RPS23: variants seen among roughly 807,000 people sequenced by gnomAD.
The protein encoded by RPS23 is ribosomal protein S23.
For synonymous variants in RPS23, 66 were observed against 60.4 expected (o/e 1.09, Z -0.43); for missense variants, 73 against 174.5 (o/e 0.42, Z 3.28).
rs760997828 is a variant in RPS23 at position 82,275,201 on chromosome 5, ATACT to A, written c.*904_*907del. The A allele has an allele frequency of 5.7e-6, 4 of 702,594 alleles. No homozygotes were observed. Among genetic ancestry groups the A allele is most frequent in the African/African-American group, 1.7e-5 (1 of 57,400 alleles). The allele number at this position is 702,594 out of a possible 1,614,324, so 43.5% of individuals were successfully genotyped here. ...CTTTGATCAAAGGGCTAATTAACCCATACTTACTATTTGTTAACAGGAGTTTCTT... is the reference window on the plus strand; with the variant it reads ...CTTTGATCAAAGGGCTAATTAACCCATACTATTTGTTAACAGGAGTTTCTT... On this transcript the variant is annotated 3_prime_UTR_variant, in exon 4 of 4. Coordinates refer to ENST00000296674, the MANE Select transcript of RPS23 (RefSeq NM_001025.5).
Position 82,275,642 on chromosome 5 carries a change from T to G in RPS23, c.*467A>C, listed in dbSNP as rs914345529. On this transcript the variant is annotated 3_prime_UTR_variant, in exon 4 of 4. Coordinates refer to ENST00000296674, the MANE Select transcript of RPS23 (RefSeq NM_001025.5). ...TTTACTATTTATCATCTTGGGCCCC[T>G]GTAAGATGGATACAAGAATGTGCAT... is the stretch of plus-strand genomic sequence containing the variant. 8 of 308,064 alleles carry G rather than the reference T, an allele frequency of 2.6e-5. No homozygotes were observed. The highest frequency in any genetic ancestry group is 4.7e-5 in the Non-Finnish European group (8 of 168,434). 19.1% of individuals were successfully genotyped at this position (308,064 alleles called of 1,614,324 possible).
At chr5:82,277,178 C>CAAAA (rs71000896) in intron 2 of RPS23, among the ~76,000 whole-genome samples, 3 of 82,438 alleles carry the variant, frequency 3.6e-5, no homozygotes, top group African/African-American at 1.0e-4. Flanking sequence ...TAGACTGTCT[C>CAAAA]AAAAAAAAAA....
chr5:82,275,998 GGGT>G lies in RPS23; in HGVS notation c.*108_*110del. The G allele has an allele frequency of 1.1e-5, 11 of 996,344 alleles. No individual in the cohort carries two copies. The highest frequency in any genetic ancestry group is 2.4e-5 in the East Asian group (1 of 41,472). 61.7% of individuals were successfully genotyped at this position (996,344 alleles called of 1,614,324 possible). A position where few individuals can be genotyped will look rare whatever the true frequency, so the allele number is the denominator to read the frequency against. On this transcript the variant is annotated 3_prime_UTR_variant, in exon 4 of 4. Transcript: ENST00000296674. ...GGTTTAGGATAAAAAAAATAAGGGGGGGTGGTGGTGGTAATGAACATGATCTTC... is the reference window on the plus strand; with the variant it reads ...GGTTTAGGATAAAAAAAATAAGGGGGGGTGGTGGTAATGAACATGATCTTC...
rs765962710 is a variant in RPS23, at chr5:82,277,779, C to T, written c.78G>A (p.Gln26=). The change falls in exon 2 of 4, where the codon CAG becomes CAA. Residue 26 remains glutamine, a synonymous_variant. Coordinates refer to ENST00000296674, the MANE Select transcript of RPS23 (RefSeq NM_001025.5). ...CTGTGCCCAAATGAGCTTTCTTATA[C>T]TGTTTATCATGCCACTTCTGGTCTC... ...HRRDQKWHDK[Q]YKKAHLGTAL... is the part of the protein sequence containing the mutation. 11 of 1,613,948 alleles carry T rather than the reference C, an allele frequency of 6.8e-6. 1 individual carries two copies. In the South Asian group the frequency reaches 9.9e-5, roughly 14 times the overall value.
At chr5:82,276,679 T>G in intron 2 of RPS23, 161 bp from the exon 3 acceptor site, 1 of 815,030 alleles carries the variant, frequency 1.2e-6, no homozygotes, top group Non-Finnish European at 1.9e-6. Flanking sequence ...CTGCCAGTCT[T>G]AATTTCATTA....
Position 82,277,687 on chromosome 5 carries a change from A to G in RPS23, c.164+6T>C. 1 of 1,613,520 alleles carries G rather than the reference A, an allele frequency of 6.2e-7. No individual in the cohort carries two copies. The highest frequency in any genetic ancestry group is 8.5e-7 in the Non-Finnish European group (1 of 1,179,668). On this transcript the variant is annotated splice_donor_region_variant and intron_variant, in intron 2 of 3. Transcript: ENST00000296674. ...AACTAAAACTTGACGGGAGCAATGG[A>G]CTTACACTTTTTCCAGCACGATTCC...
At chr5:82,277,633 G>GT (rs1393874272) in intron 2 of RPS23, 60 bp downstream of exon 2, 6 of 1,520,494 alleles carry the variant, frequency 3.9e-6, no homozygotes, top group Non-Finnish European at 4.6e-6. Context: ...ACAAGAATTC[G>GT]TAAGTTCATG....
intron 2 of RPS23, 59 bp downstream of exon 2, chr5:82,277,634 T>TC: frequency 6.6e-7 from 1 of 1,520,066 alleles, no homozygotes. Flanking sequence ...CAAGAATTCG[T>TC]AAGTTCATGT....
intron 1 of RPS23, 72 bp downstream of exon 1, chr5:82,278,248 C>A: frequency 1.7e-6 from 2 of 1,169,886 alleles, no homozygotes; most frequent in Non-Finnish European, 2.4e-6. Context: ...CTACTCTATT[C>A]GCATCCGCCC....
chr5:82,276,786 G>A (rs570012563), intron 2 of RPS23: 9 of 461,434 alleles, frequency 2.0e-5, no homozygotes, highest in African/African-American at 1.2e-4. Flanking sequence ...AGGCTGACGT[G>A]GGAGGATCTA....
chr5:82,276,748 C>T (rs935905054), intron 2 of RPS23: 17 of 544,274 alleles, frequency 3.1e-5, no homozygotes, highest in East Asian at 2.6e-4. Flanking sequence ...GGAGTGGCAG[C>T]GTGGGCCTGT....
Position 82,276,545 on chromosome 5 carries a change from G to A in RPS23, c.165-27C>T, listed in dbSNP as rs749246944. 6 of 1,611,482 alleles carry A rather than the reference G, an allele frequency of 3.7e-6. No homozygotes were observed. In the South Asian group the frequency reaches 4.4e-5, roughly 12 times the overall value. On this transcript the variant is annotated intron_variant, in intron 2 of 3. Coordinates refer to ENST00000296674, the MANE Select transcript of RPS23 (RefSeq NM_001025.5). ...TGAAATACAAAAGGCACAGCACTGT[G>A]AGCTGGCTTTCTGAAAAAGATTATC...
At position 82,275,902 on chromosome 5, in the gene RPS23, T is replaced by C. The variant is rs780511496; in HGVS notation, c.*207A>G. The C allele has an allele frequency of 2.9e-5, 16 of 549,742 alleles. No individual in the cohort carries two copies. The highest frequency in any genetic ancestry group is 5.2e-5 in the Non-Finnish European group (16 of 308,580). 34.1% of individuals were successfully genotyped at this position (549,742 alleles called of 1,614,324 possible). A position where few individuals can be genotyped will look rare whatever the true frequency, so the allele number is the denominator to read the frequency against. On this transcript the variant is annotated 3_prime_UTR_variant, in exon 4 of 4. Transcript: ENST00000296674. ...AAACTGTGCCAGGTTACAAATGTTATTAACTCTAGAGAATCCTGAAACAAC... is the reference window on the plus strand; with the variant it reads ...AAACTGTGCCAGGTTACAAATGTTACTAACTCTAGAGAATCCTGAAACAAC...
In RPS23 at chr5:82,275,673, AG is replaced by A; in HGVS notation, c.*435del. On this transcript the variant is annotated 3_prime_UTR_variant, in exon 4 of 4. Coordinates refer to ENST00000296674, the MANE Select transcript of RPS23 (RefSeq NM_001025.5). Reference sequence around the variant, plus strand: ...ATGGATACAAGAATGTGCATTTCCAAGGGTACCTAAGATAATCTATGTGCAA... The same window carrying A: ...ATGGATACAAGAATGTGCATTTCCAAGGTACCTAAGATAATCTATGTGCAA... 3.9e-6 allele frequency: 1 copy of A among 259,310 alleles called. No homozygotes were observed. 16.1% of individuals were successfully genotyped at this position (259,310 alleles called of 1,614,324 possible).
At chr5:82,277,299 G>C in intron 2 of RPS23, 2 of 218,368 alleles carry the variant, frequency 9.2e-6, no homozygotes, top group Non-Finnish European at 1.8e-5. Context: ...GCAGTTTCAT[G>C]TCTCAATCTT....
chr5:82,274,962 T>C lies in RPS23; in HGVS notation c.*1147A>G. 1 of 472,352 alleles carries C rather than the reference T, an allele frequency of 2.1e-6. No homozygotes were observed. Among genetic ancestry groups the C allele is most frequent in the South Asian group, 2.9e-5 (1 of 34,598 alleles). The allele number at this position is 472,352 out of a possible 1,614,324, so 29.3% of individuals were successfully genotyped here. A position where few individuals can be genotyped will look rare whatever the true frequency, so the allele number is the denominator to read the frequency against. ...CAGGAACAGAGGTCCTGAGGCTGGA[T>C]ATGGAACCCAAGTTTGAGGATGACC... On this transcript the variant is annotated 3_prime_UTR_variant, in exon 4 of 4. Transcript: ENST00000296674.
At chr5:82,277,500 C>A in intron 2 of RPS23, 193 bp downstream of exon 2, 1 of 623,588 alleles carries the variant, frequency 1.6e-6, no homozygotes, top group Non-Finnish European at 2.8e-6. Context: ...TAAATTAAAA[C>A]CTTAACTACC....
chr5:82,278,279 G>C, intron 1 of RPS23, 41 bp downstream of exon 1: 1 of 1,545,878 alleles, frequency 6.5e-7, no homozygotes, highest in Non-Finnish European at 8.8e-7. Flanking sequence ...AAGACCCCAA[G>C]TCCCGCTTGC....
rs1747752011 is a variant in RPS23, at chr5:82,275,425, GTC to G, written c.*682_*683del. 4.6e-6 allele frequency: 3 copies of G among 653,466 alleles called. No homozygotes were observed. Among genetic ancestry groups the G allele is most frequent in the African/African-American group, 2.0e-5 (1 of 50,870 alleles). 40.5% of individuals were successfully genotyped at this position (653,466 alleles called of 1,614,324 possible). A position where few individuals can be genotyped will look rare whatever the true frequency, so the allele number is the denominator to read the frequency against. On this transcript the variant is annotated 3_prime_UTR_variant, in exon 4 of 4. Coordinates refer to ENST00000296674, the MANE Select transcript of RPS23 (RefSeq NM_001025.5). ...CTGACTAGTCTTTGAAGACATGAAGGTCTCTGACAACCTCATGAGAAGATACT... is the reference window on the plus strand; with the variant it reads ...CTGACTAGTCTTTGAAGACATGAAGGTCTGACAACCTCATGAGAAGATACT...
Sources: allele counts gnomAD v4.1 joint callset (sites outside exome capture counted in the v4.1 genomes callset), GRCh38; gene constraint gnomAD v4.1.1; transcripts MANE v1.5; gene names NCBI Gene and HGNC (gene_info 2026-07-23, HGNC 2026-07-21).